Variants in ADAM32 observed in about 807,000 individuals in gnomAD.
ADAM32 encodes the protein ADAM metallopeptidase domain 32.
Under a neutral mutation model 114.9 loss-of-function variants are expected in ADAM32, and 89 were observed. The ratio of observed to expected loss-of-function variants is 0.77; its 90% CI spans 0.65 to 0.92. The LOEUF (loss-of-function observed/expected upper bound fraction) is 0.92, where lower values mean the gene tolerates loss of function less well. ADAM32 is among the 40% of genes least tolerant of loss of function. The pLI, the probability that ADAM32 is intolerant of heterozygous loss-of-function variation, is 0.00. For missense variants in ADAM32, 870 were observed against 932.8 expected, an observed-to-expected ratio of 0.93 and a Z score of 0.88; for synonymous variants, 285 against 307.5, an observed-to-expected ratio of 0.93 and a Z score of 0.77.
At chr8:39,177,491 T>C (rs1414719393) in intron 10 of ADAM32, among the ~76,000 whole-genome samples, 1 of 152,208 alleles carries the variant, frequency 6.6e-6, no homozygotes, top group East Asian at 1.9e-4. Flanking sequence ...TTAGCCTATT[T>C]ACATTTAGCC....
At chr8:39,249,937 C>T (rs1811179418) in intron 17 of ADAM32, among the ~76,000 whole-genome samples, 1 of 151,982 alleles carries the variant, frequency 6.6e-6, no homozygotes, top group East Asian at 1.9e-4. Context: ...AAGAGAAGTC[C>T]AGTATAATTT....
chr8:39,145,396 C>A (rs1032026651), intron 3 of ADAM32, among the ~76,000 whole-genome samples: 6 of 152,076 alleles, frequency 3.9e-5, no homozygotes, highest in African/African-American at 1.4e-4. Flanking sequence ...AAATATATTG[C>A]AAAGCTATAA....
Position 39,235,233 on chromosome 8 carries a change from A to G in ADAM32, c.1818+1151A>G, listed in dbSNP as rs1810041694. Among the ~76,000 whole-genome samples, 3 of 152,292 alleles carry G rather than the reference A, an allele frequency of 2.0e-5. No individual in the cohort carries two copies. In the South Asian group the frequency reaches 6.2e-4, roughly 32 times the overall value. On this transcript the variant is annotated intron_variant, in intron 16 of 24. Transcript: ENST00000379907. ...TGTAAAGTGTAGGCTTTAAAGATAG[A>G]TGTTCATAGATTTGAATTCTGACTC...
At chr8:39,118,227 C>A in intron 2 of ADAM32, 62 bp downstream of exon 2, 3 of 1,000,310 alleles carry the variant, frequency 3.0e-6, no homozygotes, top group Non-Finnish European at 4.2e-6. Context: ...TATTATATAG[C>A]TATGAAATAT....
chr8:39,164,977 TATAAG>T, intron 8 of ADAM32, 48 bp from the exon 9 acceptor site: 1 of 1,535,358 alleles, frequency 6.5e-7, no homozygotes, highest in Non-Finnish European at 8.8e-7. Context: ...TCTGGGTTTT[TATAAG>T]ATAACATAAA....
chr8:39,110,988 C>A (rs1225908550), intron 1 of ADAM32, among the ~76,000 whole-genome samples: 3 of 152,212 alleles, frequency 2.0e-5, no homozygotes, highest in Admixed American at 6.5e-5. Context: ...TAAATGGAAT[C>A]ATACAAAATA....
chr8:39,260,030 CT>C (rs1454283948), intron 19 of ADAM32, among the ~76,000 whole-genome samples: 1 of 152,164 alleles, frequency 6.6e-6, no homozygotes, highest in Non-Finnish European at 1.5e-5. Context: ...TGGAATCCTA[CT>C]TTTTCATTCT....
upstream of ADAM32, chr8:39,107,673 C>G (rs1485723102): frequency 6.5e-7 from 1 of 1,537,184 alleles, no homozygotes; most frequent in East Asian, 2.5e-5. Context: ...GAACGCTGTC[C>G]CATGAACGTG....
chr8:39,250,422 T>A (rs1364330540), intron 17 of ADAM32, among the ~76,000 whole-genome samples: 2 of 152,048 alleles, frequency 1.3e-5, no homozygotes, highest in African/African-American at 2.4e-5. Flanking sequence ...CTAGTACTTC[T>A]TTTTGATTCT....
Position 39,211,292 on chromosome 8 carries a change from GGAAAT to G in ADAM32, c.1207_1211del (p.Glu403LeufsTer2). ...AGTCTGTGGCAATGGCAGATTGGAG[GGAAAT>G]GAAATCTGTGATTGTGGTACTGAGG... is the stretch of plus-strand genomic sequence containing the variant. On this transcript the variant is annotated frameshift_variant, in exon 12 of 25. Coordinates refer to ENST00000379907, the MANE Select transcript of ADAM32 (RefSeq NM_145004.7). LOFTEE classifies it high-confidence loss of function. 1 of 1,577,630 alleles carries G rather than the reference GGAAAT, an allele frequency of 6.3e-7. No individual in the cohort carries two copies. Among genetic ancestry groups the G allele is most frequent in the Non-Finnish European group, 8.6e-7 (1 of 1,162,844 alleles).
At chr8:39,252,112 A>C (rs1811345977) in intron 17 of ADAM32, among the ~76,000 whole-genome samples, 1 of 151,794 alleles carries the variant, frequency 6.6e-6, no homozygotes, top group African/African-American at 2.4e-5. Context: ...TGATTTGGTT[A>C]CTATAGCTCT....
chr8:39,107,902 C>T (rs1481930482), intron 1 of ADAM32, 69 bp downstream of exon 1: 2 of 1,453,882 alleles, frequency 1.4e-6, no homozygotes, highest in Middle Eastern at 1.8e-4. Flanking sequence ...CCTGCAAAGC[C>T]CGGGGCCCTC....
intron 19 of ADAM32, among the ~76,000 whole-genome samples, chr8:39,265,690 G>A (rs915495532): frequency 2.0e-5 from 3 of 152,072 alleles, no homozygotes; most frequent in African/African-American, 4.8e-5. Flanking sequence ...AAGCATGTAA[G>A]TATGATTTTG....
chr8:39,149,873 T>G lies in ADAM32; in HGVS notation c.353+6T>G, dbSNP rs1312934154. The stretch of plus-strand genomic sequence containing the variant: ...AGCACGTGCTCTGGACTAAGGTTGT[T>G]TTCTGTTGTTGATTACAGAACACCT... On this transcript the variant is annotated splice_donor_region_variant and intron_variant, in intron 5 of 24. Transcript: ENST00000379907. The G allele has an allele frequency of 1.3e-6, 2 of 1,599,880 alleles. No homozygotes were observed. The highest frequency in any genetic ancestry group is 3.4e-5 in the Admixed American group (2 of 58,970).
chr8:39,122,857 C>A (rs1217991371), intron 2 of ADAM32, among the ~76,000 whole-genome samples: 3 of 152,228 alleles, frequency 2.0e-5, no homozygotes, highest in African/African-American at 7.2e-5. Context: ...GCATGAGCCA[C>A]CACACCTGGT....
intron 2 of ADAM32, among the ~76,000 whole-genome samples, chr8:39,120,817 G>A (rs1041218657): frequency 2.7e-5 from 4 of 150,158 alleles, no homozygotes; most frequent in African/African-American, 7.3e-5. Context: ...AATGAGAAAT[G>A]TTATTGGAGA....
intron 13 of ADAM32, among the ~76,000 whole-genome samples, chr8:39,222,747 A>G (rs896926400): frequency 2.0e-5 from 3 of 152,106 alleles, no homozygotes; most frequent in African/African-American, 7.2e-5. Context: ...TAAATTTCCT[A>G]AGCTTAAAGT....
chr8:39,160,988 G>A lies in ADAM32; in HGVS notation c.594+23G>A, dbSNP rs150109740. On this transcript the variant is annotated intron_variant, in intron 7 of 24. Coordinates refer to ENST00000379907, the MANE Select transcript of ADAM32 (RefSeq NM_145004.7). ...TTGGTATGTGTTTTGCTTTTTCTTT[G>A]CTTTGAAATATTTGATCCAAATGTA... 565 of 1,535,744 alleles carry A rather than the reference G, an allele frequency of 3.7e-4. 2 individuals carry two copies. The African/African-American group carries it at 5.3e-3, about 14-fold the overall frequency.
chr8:39,219,322 G>A (rs926188162), intron 12 of ADAM32, among the ~76,000 whole-genome samples: 41 of 152,222 alleles, frequency 2.7e-4, no homozygotes, highest in African/African-American at 9.1e-4. Context: ...TCACCACTAG[G>A]ACTTGCCTAG....
Sources: gnomAD v4.1 joint callset for allele counts (sites outside exome capture counted in the v4.1 genomes callset) on GRCh38, gnomAD v4.1.1 for gene constraint, MANE v1.5 for transcripts, NCBI Gene and HGNC (gene_info 2026-07-23, HGNC 2026-07-21) for gene names.